KLF12: variants seen among roughly 807,000 people sequenced by gnomAD.
KLF12 encodes KLF transcription factor 12.
KLF12 carries 9 observed loss-of-function variants against 37.8 expected under a neutral mutation model. The ratio of observed to expected loss-of-function variants is 0.24; its 90% CI spans 0.14 to 0.42. The LOEUF (loss-of-function observed/expected upper bound fraction) is 0.42, where lower values mean the gene tolerates loss of function less well. KLF12 is among the 10% of genes least tolerant of loss of function. The pLI, the probability that KLF12 is intolerant of heterozygous loss-of-function variation, is 1.00. For missense variants in KLF12, 411 were observed against 516.0 expected (o/e 0.80, Z 1.97); for synonymous variants, 208 against 202.1 (o/e 1.03, Z -0.25).
intron 5 of KLF12, among the ~76,000 whole-genome samples, chr13:73,798,607 C>T (rs1235904895): frequency 1.3e-5 from 2 of 152,050 alleles, no homozygotes; most frequent in African/African-American, 4.8e-5. Flanking sequence ...GGGCAAAGGA[C>T]ATGAACAGAC....
rs116963645 is a variant in KLF12, at chr13:73,896,357, C to T, written c.123+47624G>A. Reference sequence around the variant, plus strand: ...TTTCTAATGAAATTAAACTGTCACACTGAGAATGAGATTTTTTTCAAAAGC... The same window carrying T: ...TTTCTAATGAAATTAAACTGTCACATTGAGAATGAGATTTTTTTCAAAAGC... On this transcript the variant is annotated intron_variant, in intron 3 of 7. Coordinates refer to ENST00000377669, the MANE Select transcript of KLF12 (RefSeq NM_007249.5). Among the ~76,000 whole-genome samples, 266 of 152,190 alleles carry T rather than the reference C, an allele frequency of 1.7e-3. 5 individuals are homozygous for T. The East Asian group carries it at 0.047, about 27-fold the overall frequency.
intron 1 of KLF12, among the ~76,000 whole-genome samples, chr13:74,082,459 T>C (rs907381030): frequency 6.6e-6 from 1 of 152,196 alleles, no homozygotes; most frequent in African/African-American, 2.4e-5. Context: ...AAAGATTCTA[T>C]CAATAGTCTA....
chr13:74,096,570 A>G (rs549025938), intron 1 of KLF12, among the ~76,000 whole-genome samples: 2 of 152,316 alleles, frequency 1.3e-5, no homozygotes, highest in African/African-American at 4.8e-5. Flanking sequence ...ACAATAACCT[A>G]GGGTTTCTTT....
chr13:73,757,058 G>GT (rs1879218423), intron 6 of KLF12, among the ~76,000 whole-genome samples: 1 of 152,080 alleles, frequency 6.6e-6, no homozygotes, highest in African/African-American at 2.4e-5. Flanking sequence ...CATTATTTGG[G>GT]TGATGGATAC....
chr13:74,201,909 A>G, the KLF12 span, among the ~76,000 whole-genome samples: 1 of 152,174 alleles, frequency 6.6e-6, no homozygotes, highest in Non-Finnish European at 1.5e-5. Flanking sequence ...AAGCCAAGTC[A>G]TATGGTGGCC....
the KLF12 span, among the ~76,000 whole-genome samples, chr13:74,267,157 C>T: frequency 6.6e-6 from 1 of 152,102 alleles, no homozygotes; most frequent in Non-Finnish European, 1.5e-5. Context: ...TGATGGTCCC[C>T]AAAAGATATG....
At chr13:74,232,087 AC>A in the KLF12 span, among the ~76,000 whole-genome samples, 1 of 152,162 alleles carries the variant, frequency 6.6e-6, no homozygotes, top group African/African-American at 2.4e-5. Flanking sequence ...AAACTAATCT[AC>A]CTTCCCTTGT....
intron 6 of KLF12, among the ~76,000 whole-genome samples, chr13:73,744,887 G>T (rs1028266033): frequency 1.3e-5 from 2 of 152,124 alleles, no homozygotes; most frequent in African/African-American, 4.8e-5. Context: ...TTTGATGAAG[G>T]CTAGTGTGTC....
At chr13:74,154,463 T>TA in the KLF12 span, among the ~76,000 whole-genome samples, 1 of 152,236 alleles carries the variant, frequency 6.6e-6, no homozygotes, top group Non-Finnish European at 1.5e-5. Context: ...ATTGTGGAGT[T>TA]ACACATACAC....
intron 5 of KLF12, among the ~76,000 whole-genome samples, chr13:73,811,757 C>A (rs983766833): frequency 6.6e-6 from 1 of 152,156 alleles, no homozygotes; most frequent in African/African-American, 2.4e-5. Flanking sequence ...CTCCACACTT[C>A]ATTTTAGATC....
intron 1 of KLF12, among the ~76,000 whole-genome samples, chr13:74,012,153 A>G (rs1004689092): frequency 1.5e-4 from 23 of 152,220 alleles, no homozygotes; most frequent in South Asian, 4.1e-4. Context: ...AGCCCCTTGG[A>G]GAGCTATAAT....
intron 5 of KLF12, among the ~76,000 whole-genome samples, chr13:73,773,773 T>C (rs1007105609): frequency 2.6e-5 from 4 of 152,154 alleles, no homozygotes; most frequent in Admixed American, 2.0e-4. Flanking sequence ...CACTCACCTC[T>C]CCAAGCTTCA....
rs138723672 is a variant in KLF12, at chr13:73,703,851, C to T, written c.1028-8180G>A. 2.2e-3 allele frequency among the ~76,000 whole-genome samples: 335 copies of T among 152,228 alleles called. 3 individuals are homozygous for T. The highest frequency in any genetic ancestry group is 7.9e-3 in the African/African-American group (329 of 41,532). On this transcript the variant is annotated intron_variant, in intron 7 of 7. Transcript: ENST00000377669. ...CAGGATATCTGGTCAGAACTGGGCACGGAGACTGCAAATGTGAGCTACTAC... is the reference window on the plus strand; with the variant it reads ...CAGGATATCTGGTCAGAACTGGGCATGGAGACTGCAAATGTGAGCTACTAC...
chr13:73,999,708 C>T (rs567471213), intron 1 of KLF12, among the ~76,000 whole-genome samples: 1 of 152,264 alleles, frequency 6.6e-6, no homozygotes, highest in South Asian at 2.1e-4. Flanking sequence ...CCGCTACACT[C>T]CAGCCTGGGC....
At chr13:73,927,451 C>G (rs1889446454) in intron 3 of KLF12, among the ~76,000 whole-genome samples, 1 of 152,230 alleles carries the variant, frequency 6.6e-6, no homozygotes, top group Non-Finnish European at 1.5e-5. Context: ...CTATCTCCAT[C>G]CAGCCCATAA....
rs189743324 is a variant in KLF12, at chr13:73,691,060, T to A, written c.*4430A>T. On this transcript the variant is annotated 3_prime_UTR_variant, in exon 8 of 8. Transcript: ENST00000377669. Reference sequence around the variant, plus strand: ...AATGCAGGCAGAGTCATATATAGTATTATAAGCCGGTTTCCTAATAAGGTA... The same window carrying A: ...AATGCAGGCAGAGTCATATATAGTAATATAAGCCGGTTTCCTAATAAGGTA... 9.8e-5 allele frequency: 15 copies of A among 152,788 alleles called. No homozygotes were observed. In the East Asian group the frequency reaches 2.9e-3, roughly 29 times the overall value. The allele number at this position is 152,788 out of a possible 1,614,324, so 9.5% of individuals were successfully genotyped here. A position where few individuals can be genotyped will look rare whatever the true frequency, so the allele number is the denominator to read the frequency against.
intron 5 of KLF12, among the ~76,000 whole-genome samples, chr13:73,777,426 C>T (rs560289508): frequency 6.6e-6 from 1 of 152,002 alleles, no homozygotes; most frequent in African/African-American, 2.4e-5. Context: ...AATTCAGTGG[C>T]GGCTGGGCAT....
At position 73,908,770 on chromosome 13, in the gene KLF12, G is replaced by A. The variant is rs375825405; in HGVS notation, c.123+35211C>T. Among the ~76,000 whole-genome samples the A allele has an allele frequency of 4.8e-3, 725 of 152,184 alleles. 6 individuals carry two copies. Among genetic ancestry groups the A allele is most frequent in the African/African-American group, 0.017 (697 of 41,544 alleles). On this transcript the variant is annotated intron_variant, in intron 3 of 7. Coordinates refer to ENST00000377669, the MANE Select transcript of KLF12 (RefSeq NM_007249.5). ...GCTGGGATTACAGGCGTGAGCTACCGCGCCTGGCCGGTTTTCATTTTTCTT... is the reference window on the plus strand; with the variant it reads ...GCTGGGATTACAGGCGTGAGCTACCACGCCTGGCCGGTTTTCATTTTTCTT...
intron 5 of KLF12, among the ~76,000 whole-genome samples, chr13:73,765,679 G>A (rs777741894): frequency 3.9e-5 from 6 of 152,212 alleles, no homozygotes; most frequent in Middle Eastern, 3.4e-3. Flanking sequence ...TAAAGCTTCC[G>A]GGAACTGCTG....
Sources: gnomAD v4.1 joint callset for allele counts (sites outside exome capture counted in the v4.1 genomes callset) on GRCh38, gnomAD v4.1.1 for gene constraint, MANE v1.5 for transcripts, NCBI Gene and HGNC (gene_info 2026-07-23, HGNC 2026-07-21) for gene names.